Variants in REV3L observed in about 807,000 individuals in gnomAD.
REV3L encodes the protein DNA polymerase zeta catalytic subunit.
Under a neutral mutation model 299.4 loss-of-function variants are expected in REV3L, and 69 were observed. That is an observed-to-expected ratio of 0.23 (90% CI 0.19 to 0.28). The LOEUF is 0.28. Ranked by LOEUF, REV3L falls within the 10% of genes least tolerant of loss-of-function variation. The pLI is 1.00. For synonymous variants in REV3L, 1,238 were observed against 1,271.4 expected (o/e 0.97, Z 0.56); for missense variants, 3,128 against 3,693.8 (o/e 0.85, Z 3.97).
At chr6:111,393,587 T>C (rs1449177733) in intron 4 of REV3L, among the ~76,000 whole-genome samples, 1 of 152,216 alleles carries the variant, frequency 6.6e-6, no homozygotes, top group Non-Finnish European at 1.5e-5. Context: ...TATCAAACAC[T>C]AGAACTTATT....
intron 17 of REV3L, among the ~76,000 whole-genome samples, chr6:111,358,248 C>T (rs927442268): frequency 1.7e-4 from 26 of 152,054 alleles, no homozygotes; most frequent in Non-Finnish European, 3.4e-4. Flanking sequence ...TCTTATAAAC[C>T]ATTAACTTAT....
At chr6:111,357,365 T>C (rs564884973) in intron 17 of REV3L, among the ~76,000 whole-genome samples, 1 of 152,270 alleles carries the variant, frequency 6.6e-6, no homozygotes, top group African/African-American at 2.4e-5. Context: ...GCTATTCTCC[T>C]GAAAAGGCTG....
intron 13 of REV3L, among the ~76,000 whole-genome samples, chr6:111,368,898 A>G (rs1779489322): frequency 6.6e-6 from 1 of 152,132 alleles, no homozygotes; most frequent in African/African-American, 2.4e-5. Flanking sequence ...TCTATGTAAA[A>G]TCCACTAACT....
intron 1 of REV3L, among the ~76,000 whole-genome samples, chr6:111,462,297 T>C (rs1021662288): frequency 6.6e-6 from 1 of 152,144 alleles, no homozygotes; most frequent in Non-Finnish European, 1.5e-5. Context: ...TGATATACCA[T>C]GTAAATACTA....
chr6:111,314,971 C>T (rs1194776218), intron 27 of REV3L, among the ~76,000 whole-genome samples: 1 of 151,508 alleles, frequency 6.6e-6, no homozygotes, highest in African/African-American at 2.4e-5. Context: ...CTACTTCAGC[C>T]TCTGGAACAG....
intron 30 of REV3L, among the ~76,000 whole-genome samples, chr6:111,308,555 A>C (rs1334632798): frequency 6.6e-6 from 1 of 152,254 alleles, no homozygotes; most frequent in Non-Finnish European, 1.5e-5. Flanking sequence ...ATCGTTAAGT[A>C]GAAAAATCTT....
rs374058909 is a variant in REV3L, at chr6:111,331,637, A to G, written c.8034+39T>C. The G allele has an allele frequency of 7.8e-6, 11 of 1,406,498 alleles. No individual in the cohort carries two copies. In the African/African-American group the frequency reaches 1.6e-4, roughly 20 times the overall value. 87.1% of individuals were successfully genotyped at this position (1,406,498 alleles called of 1,614,324 possible). A position where few individuals can be genotyped will look rare whatever the true frequency, so the allele number is the denominator to read the frequency against. ...ACCATTATCAGCTCTCCAAAAGTTA[A>G]GCCATAGTTGTTATCTTTCATTTAC... is the stretch of plus-strand genomic sequence containing the variant. On this transcript the variant is annotated intron_variant, in intron 24 of 31. Coordinates refer to ENST00000368802, the MANE Select transcript of REV3L (RefSeq NM_001372078.1).
chr6:111,301,148 C>T (rs1771473847), intron 31 of REV3L, among the ~76,000 whole-genome samples: 1 of 152,046 alleles, frequency 6.6e-6, no homozygotes, highest in African/African-American at 2.4e-5. Flanking sequence ...GCCCTGGCCT[C>T]CTGCAGCACC....
chr6:111,424,581 A>G (rs544155823), intron 1 of REV3L, among the ~76,000 whole-genome samples: 4 of 152,216 alleles, frequency 2.6e-5, no homozygotes, highest in Non-Finnish European at 5.9e-5. Flanking sequence ...AACAGTCTTG[A>G]AAATCAAAGC....
intron 24 of REV3L, chr6:111,331,181 A>G (rs1775339022): frequency 9.1e-6 from 2 of 220,552 alleles, no homozygotes; most frequent in African/African-American, 4.7e-5. Flanking sequence ...GGGGAGATAC[A>G]GGAGAGAAAA....
intron 1 of REV3L, among the ~76,000 whole-genome samples, chr6:111,435,001 T>A (rs1787383761): frequency 6.6e-6 from 1 of 152,090 alleles, no homozygotes; most frequent in African/African-American, 2.4e-5. Context: ...GCCCAGGAGT[T>A]CAAGGTAAGC....
At chr6:111,310,990 G>C in intron 29 of REV3L, 79 bp downstream of exon 29, 1 of 1,142,948 alleles carries the variant, frequency 8.7e-7, no homozygotes, top group Non-Finnish European at 1.2e-6. Flanking sequence ...TGTGTCTATG[G>C]ACTGTCTTTT....
chr6:111,416,213 T>C (rs1784752881), intron 2 of REV3L, 70 bp downstream of exon 2: 1 of 1,039,232 alleles, frequency 9.6e-7, no homozygotes, highest in African/African-American at 1.6e-5. Context: ...GTTTATCAAC[T>C]GAGTATGTTT....
chr6:111,458,608 C>T (rs1790414595), intron 1 of REV3L, among the ~76,000 whole-genome samples: 1 of 151,954 alleles, frequency 6.6e-6, no homozygotes, highest in African/African-American at 2.4e-5. Context: ...AATCAATGTA[C>T]AAAAATCAGT....
chr6:111,300,137 C>T lies in REV3L; in HGVS notation c.9272G>A (p.Gly3091Asp), dbSNP rs1562468768. The change falls in exon 32 of 32, where the codon GGT becomes GAT. Residue 3091 changes from glycine (G) to aspartate (D), a missense_variant. Gly to Asp is a moderately conservative substitution (Grantham distance 94, BLOSUM62 -1). This residue lies in a region of REV3L where 294 missense variants were observed against 377.0 expected (regional missense o/e 0.78). Transcript: ENST00000368802. ...ACATGGGATGTGTCGATCAAAGCAA[C>T]CTGTACAGTTCTTGCATATCTGAAA... The part of the protein sequence containing the change: ...QLVKICKNCT[G>D]CFDRHIPCVS... 1 of 1,608,488 alleles carries T rather than the reference C, an allele frequency of 6.2e-7. No individual in the cohort carries two copies. Among genetic ancestry groups the T allele is most frequent in the Admixed American group, 1.7e-5 (1 of 58,798 alleles).
At chr6:111,389,727 A>ATTTTTTTTTTTTTT (rs10713895) in intron 6 of REV3L, among the ~76,000 whole-genome samples, 1 of 81,340 alleles carries the variant, frequency 1.2e-5, no homozygotes, top group Non-Finnish European at 2.4e-5. Flanking sequence ...TTGGTCATTA[A>ATTTTTTTTTTTTTT]TTTTTTTTTT....
Position 111,379,698 on chromosome 6 carries a change from GCA to G in REV3L, c.1454+282_1454+283del, listed in dbSNP as rs1162010240. On this transcript the variant is annotated intron_variant, in intron 11 of 31. Transcript: ENST00000368802. Reference sequence around the variant, plus strand: ...TTTTCTTAAGTTCTAAGATAAGAAGGCACTTCAATTTTGCTCCATTTATCACT... The same window carrying G: ...TTTTCTTAAGTTCTAAGATAAGAAGGCTTCAATTTTGCTCCATTTATCACT... 2.6e-5 allele frequency among the ~76,000 whole-genome samples: 4 copies of G among 152,110 alleles called. No individual in the cohort carries two copies. In the East Asian group the frequency reaches 5.8e-4, roughly 22 times the overall value.
chr6:111,336,548 T>A (rs773174099), intron 21 of REV3L, among the ~76,000 whole-genome samples: 1 of 152,108 alleles, frequency 6.6e-6, no homozygotes, highest in Non-Finnish European at 1.5e-5. Context: ...AGTAGAGACA[T>A]TGGAATCCTC....
At chr6:111,341,982 GA>G (rs56298245) in intron 21 of REV3L, among the ~76,000 whole-genome samples, 101,869 of 151,794 alleles carry the variant, frequency 0.67, 36,429 homozygotes, top group Non-Finnish European at 0.81. Flanking sequence ...TGTGAGCCCA[GA>G]AAAAAACAGA....
Sources: gnomAD v4.1 joint callset for allele counts (sites outside exome capture counted in the v4.1 genomes callset) on GRCh38, gnomAD v4.1.1 for gene constraint, gnomAD v4.1.1 regional missense constraint, MANE v1.5 for transcripts, NCBI Gene and HGNC (gene_info 2026-07-23, HGNC 2026-07-21) for gene names.